Variants in DGKK observed in about 807,000 individuals in gnomAD.
DGKK encodes the protein 142 kDa diacylglycerol kinase.
Under a neutral mutation model 92.2 loss-of-function variants are expected in DGKK, and 35 were observed. The ratio of observed to expected loss-of-function variants is 0.38; its 90% CI spans 0.29 to 0.50. The LOEUF (loss-of-function observed/expected upper bound fraction) is 0.50. Among genes scored for constraint, DGKK ranks in the 20% least tolerant of loss-of-function variants. The pLI is 0.92. For synonymous variants in DGKK, 368 were observed against 360.6 expected, an observed-to-expected ratio of 1.02 and a Z score of -0.23; for missense variants, 910 against 992.2, an observed-to-expected ratio of 0.92 and a Z score of 1.11.
rs1367526448 is a variant in DGKK at position 50,391,481 on chromosome X, G to A, written c.1800C>T (p.Asp600=). The change falls in exon 11 of 28, where the codon GAC becomes GAT. Residue 600 remains aspartate (D), a synonymous_variant. Transcript: ENST00000611977. ...TAGCCTGCTCCACTCTGTTGAGGATGTCCAGAGGTGACTTGCTTTTGTTCC... is the reference window on the plus strand; with the variant it reads ...TAGCCTGCTCCACTCTGTTGAGGATATCCAGAGGTGACTTGCTTTTGTTCC... The part of the protein sequence containing the change: ...AFWNKSKSPL[D]ILNRVEQASV... 1.2e-5 allele frequency: 15 copies of A among 1,209,821 alleles called. No homozygotes were observed. The highest frequency in any genetic ancestry group is 8.8e-5 in the South Asian group (5 of 56,799).
intron 1 of DGKK, among the ~76,000 whole-genome samples, chrX:50,452,805 T>A (rs1926525969): frequency 9.0e-6 from 1 of 111,556 alleles, no homozygotes; most frequent in African/African-American, 3.3e-5. Flanking sequence ...TGTTTGCAAA[T>A]GGATAAATAA....
At chrX:50,381,194 G>A (rs191860451) in intron 18 of DGKK, among the ~76,000 whole-genome samples, 4 of 112,074 alleles carry the variant, frequency 3.6e-5, no homozygotes, top group East Asian at 5.6e-4. Flanking sequence ...AGATCCGGGC[G>A]CGGTGGCTCA....
intron 1 of DGKK, among the ~76,000 whole-genome samples, chrX:50,461,055 CA>C: frequency 9.0e-6 from 1 of 111,272 alleles, no homozygotes; most frequent in Non-Finnish European, 1.9e-5. Context: ...TCTAAGTGTC[CA>C]AAAAAGTGCA....
intron 7 of DGKK, among the ~76,000 whole-genome samples, chrX:50,402,381 G>C (rs1925031652): frequency 8.9e-6 from 1 of 112,015 alleles, no homozygotes; most frequent in South Asian, 3.8e-4. Context: ...TTGTGCCACT[G>C]TACTCCAGCC....
intron 1 of DGKK, among the ~76,000 whole-genome samples, chrX:50,439,039 C>T (rs913986825): frequency 3.6e-5 from 4 of 111,279 alleles, no homozygotes; most frequent in Non-Finnish European, 5.7e-5. Context: ...AGGCACAGTG[C>T]CCAAAGTGCC....
chrX:50,458,560 T>C (rs1377521716), intron 1 of DGKK, among the ~76,000 whole-genome samples: 2 of 109,122 alleles, frequency 1.8e-5, no homozygotes, highest in African/African-American at 6.7e-5. Context: ...GCTTTTGTAG[T>C]TTAAATTGGA....
chrX:50,470,325 G>A lies in DGKK; in HGVS notation c.354C>T (p.Ala118=). The part of the protein sequence containing the change: ...EPAPEPAPEP[A]TESAPEPTPE... ...GAGTCGGCTCTGGGGCAGACTCTGT[G>A]GCAGGTTCTGGGGCCGGTTCTGGGG... Residue 118 remains alanine (A), a synonymous_variant, in exon 1 of 28, where the codon GCC becomes GCT. Transcript: ENST00000611977. 8.3e-7 allele frequency: 1 copy of A among 1,209,189 alleles called. No homozygotes were observed. Among genetic ancestry groups the A allele is most frequent in the Non-Finnish European group, 1.1e-6 (1 of 894,487 alleles).
chrX:50,371,165 C>G (rs1043401557), intron 26 of DGKK, among the ~76,000 whole-genome samples: 5 of 112,538 alleles, frequency 4.4e-5, no homozygotes, highest in African/African-American at 6.5e-5. Context: ...CTAAAGTATG[C>G]TTGTTTTACT....
chrX:50,446,753 C>G (rs1267560268), intron 1 of DGKK, among the ~76,000 whole-genome samples: 1 of 111,201 alleles, frequency 9.0e-6, no homozygotes, highest in African/African-American at 3.3e-5. Flanking sequence ...TCAATTCTTA[C>G]TGTTCTGGCT....
intron 8 of DGKK, among the ~76,000 whole-genome samples, chrX:50,395,996 T>C (rs1429557997): frequency 4.5e-5 from 5 of 111,578 alleles, no homozygotes; most frequent in Non-Finnish European, 9.4e-5. Flanking sequence ...GACGTGTATG[T>C]AAAAGGATAT....
At chrX:50,425,173 G>A (rs1392869595) in intron 1 of DGKK, among the ~76,000 whole-genome samples, 1 of 111,632 alleles carries the variant, frequency 9.0e-6, no homozygotes, top group African/African-American at 3.3e-5. Flanking sequence ...GCCAGACTGA[G>A]TTTAAAATCA....
At chrX:50,418,205 A>G (rs1187333605) in intron 4 of DGKK, among the ~76,000 whole-genome samples, 1 of 111,830 alleles carries the variant, frequency 8.9e-6, no homozygotes, top group Non-Finnish European at 1.9e-5. Context: ...TGTTTCATTC[A>G]TCTGGCAATC....
At chrX:50,398,098 T>C (rs1924902206) in intron 8 of DGKK, among the ~76,000 whole-genome samples, 2 of 111,533 alleles carry the variant, frequency 1.8e-5, no homozygotes, top group Non-Finnish European at 1.9e-5. Context: ...ACTGACTGAA[T>C]AAATATATAC....
Position 50,387,631 on chromosome X carries a change from C to G in DGKK, c.2041G>C (p.Asp681His), listed in dbSNP as rs781911817. 2 of 1,204,132 alleles carry G rather than the reference C, an allele frequency of 1.7e-6. No individual in the cohort carries two copies. The highest frequency in any genetic ancestry group is 2.2e-5 in the Admixed American group (1 of 45,843). ...ATRFLCSAVE[D>H]FVVDIVKAWG... is the part of the protein sequence containing the mutation. ...GCCTTTACAATATCAACCACAAAAT[C>G]TTCCACAGCTGAACACAAGAATCTG... Residue 681 changes from aspartate (D) to histidine (H), a missense_variant, in exon 14 of 28, where the codon GAT (aspartate) becomes CAT (histidine). Coordinates refer to ENST00000611977, the MANE Select transcript of DGKK (RefSeq NM_001013742.4).
chrX:50,468,776 C>A (rs1926975876), intron 1 of DGKK, among the ~76,000 whole-genome samples: 1 of 110,537 alleles, frequency 9.0e-6, no homozygotes, highest in Non-Finnish European at 1.9e-5. Context: ...CGGTCCACAG[C>A]AGAAGGGTTC....
At position 50,391,489 on chromosome X, in the gene DGKK, G is replaced by A; in HGVS notation, c.1792C>T (p.Pro598Ser). Residue 598 changes from proline (P) to serine (S), a missense_variant, in exon 11 of 28, where the codon CCT becomes TCT. Transcript: ENST00000611977. The part of the protein sequence containing the change: ...WGAFWNKSKS[P>S]LDILNRVEQA... ...TCCACTCTGTTGAGGATGTCCAGAG[G>A]TGACTTGCTTTTGTTCCAGAATGCA... 1 of 1,211,445 alleles carries A rather than the reference G, an allele frequency of 8.3e-7. No individual in the cohort carries two copies. Among genetic ancestry groups the A allele is most frequent in the Non-Finnish European group, 1.1e-6 (1 of 895,257 alleles).
At chrX:50,424,680 A>G in intron 1 of DGKK, among the ~76,000 whole-genome samples, 1 of 112,117 alleles carries the variant, frequency 8.9e-6, no homozygotes. Context: ...TTAGGAAAGA[A>G]TGCGTGGTAG....
At chrX:50,436,927 A>G (rs1390879266) in intron 1 of DGKK, among the ~76,000 whole-genome samples, 8 of 111,431 alleles carry the variant, frequency 7.2e-5, no homozygotes, top group African/African-American at 2.6e-4. Context: ...CTTTCCTGTT[A>G]TCCTGCAATA....
At chrX:50,384,286 T>C in intron 16 of DGKK, 22 bp from the exon 17 acceptor site, 1 of 1,066,966 alleles carries the variant, frequency 9.4e-7, no homozygotes, top group Non-Finnish European at 1.3e-6. Context: ...AGACATCACT[T>C]GGGTGACGGA....
Sources: allele counts gnomAD v4.1 joint callset (sites outside exome capture counted in the v4.1 genomes callset), GRCh38; gene constraint gnomAD v4.1.1; transcripts MANE v1.5; gene names NCBI Gene and HGNC (gene_info 2026-07-23, HGNC 2026-07-21).